The following RIF1 variants were observed in gnomAD, a reference collection of about 807,000 sequenced individuals.
The protein encoded by RIF1 is replication timing regulatory factor 1, also known as telomere-associated protein RIF1.
RIF1 carries 45 observed loss-of-function variants against 247.1 expected under a neutral mutation model. That is an observed-to-expected ratio of 0.18 (90% CI 0.14 to 0.23). The LOEUF (loss-of-function observed/expected upper bound fraction) is 0.23, where lower values mean the gene tolerates loss of function less well. Ranked by LOEUF, RIF1 falls within the 10% of genes least tolerant of loss-of-function variation. The pLI, the probability that RIF1 is intolerant of heterozygous loss-of-function variation, is 1.00. For missense variants in RIF1, 2,967 were observed against 2,862.5 expected (o/e 1.04, Z -0.83); for synonymous variants, 1,087 against 978.8 (o/e 1.11, Z -2.06).
intron 1 of RIF1, 107 bp downstream of exon 1, chr2:151,410,140 C>G (rs911843398): frequency 4.6e-5 from 31 of 672,668 alleles, no homozygotes; most frequent in Middle Eastern, 2.5e-4. Context: ...TTCTCCCGCC[C>G]TCCGCCGATC....
intron 9 of RIF1, chr2:151,494,891 G>A (rs561551965): frequency 3.3e-5 from 5 of 152,664 alleles, no homozygotes; most frequent in African/African-American, 7.2e-5. Context: ...CTTGTGATCC[G>A]CCCACCTTGG....
chr2:151,436,183 G>A (rs563332687), intron 11 of RIF1, among the ~76,000 whole-genome samples: 3 of 151,930 alleles, frequency 2.0e-5, no homozygotes, highest in Admixed American at 1.3e-4. Context: ...CCGAGATCTC[G>A]CCACTGCACT....
At chr2:151,523,862 G>A in the RIF1 span, among the ~76,000 whole-genome samples, 4 of 152,102 alleles carry the variant, frequency 2.6e-5, no homozygotes, top group Admixed American at 2.0e-4. Flanking sequence ...TTCCTAGCCC[G>A]GGCAGTTAAT....
the RIF1 span, among the ~76,000 whole-genome samples, chr2:151,516,988 C>A: frequency 6.6e-6 from 1 of 152,146 alleles, no homozygotes; most frequent in South Asian, 2.1e-4. Context: ...TTCACAAGAA[C>A]TTTTATCAGA....
chr2:151,532,405 T>C, the RIF1 span, among the ~76,000 whole-genome samples: 1 of 152,168 alleles, frequency 6.6e-6, no homozygotes, highest in Non-Finnish European at 1.5e-5. Context: ...CATTTTTCCA[T>C]GTCAAAGATG....
chr2:151,433,003 C>A, intron 9 of RIF1, 74 bp from the exon 10 acceptor site: 1 of 1,122,394 alleles, frequency 8.9e-7, no homozygotes. Flanking sequence ...TGATAAAAGA[C>A]TGTTGCATAG....
At chr2:151,414,634 T>C (rs1230164186) in intron 3 of RIF1, among the ~76,000 whole-genome samples, 189 bp from the exon 4 acceptor site, 2 of 152,220 alleles carry the variant, frequency 1.3e-5, no homozygotes. Flanking sequence ...CTCTCCTTTC[T>C]TTACCAAGCT....
At chr2:151,506,655 G>A (rs1033266823) in intron 13 of RIF1, among the ~76,000 whole-genome samples, 4 of 152,162 alleles carry the variant, frequency 2.6e-5, no homozygotes, top group Admixed American at 6.5e-5. Flanking sequence ...CTTGGAGCAA[G>A]ACAACACATG....
In RIF1 at chr2:151,464,884, A is replaced by G. The variant is rs1241669705; in HGVS notation, c.5364A>G (p.Leu1788=). 21 of 1,594,734 alleles carry G rather than the reference A, an allele frequency of 1.3e-5. No homozygotes were observed. The highest frequency in any genetic ancestry group is 1.3e-5 in the Non-Finnish European group (15 of 1,174,296). The change falls in exon 30 of 36, where the codon TTA becomes TTG. Residue 1788 remains leucine, a synonymous_variant. Coordinates refer to ENST00000444746, the MANE Select transcript of RIF1 (RefSeq NM_018151.5). The stretch of plus-strand genomic sequence containing the variant: ...ATCCATATTCTGAAGGACAATTTTT[A>G]GATGAACATCATAGTGTGAATTTTC... ...QANPYSEGQF[L]DEHHSVNFHL...
chr2:151,472,765 C>T (rs897377363), intron 34 of RIF1, among the ~76,000 whole-genome samples: 4 of 152,198 alleles, frequency 2.6e-5, no homozygotes, highest in East Asian at 1.9e-4. Flanking sequence ...CTGCTGGATT[C>T]GTTTTGCCAG....
At chr2:151,506,564 C>T (rs1328892184) in intron 13 of RIF1, among the ~76,000 whole-genome samples, 2 of 152,094 alleles carry the variant, frequency 1.3e-5, no homozygotes, top group East Asian at 3.9e-4. Context: ...ACACAAAATC[C>T]ATTAAAGAAA....
chr2:151,499,297 C>T lies in RIF1; in HGVS notation c.*514-48C>T, dbSNP rs755239192. On this transcript the variant is annotated intron_variant and NMD_transcript_variant, in intron 10 of 13. Transcript: ENST00000454583. ...TAAAGGGATTTTTTATTTTTAAATACCGAACTAAAGTTTTCTTGATTGTGT... is the reference window on the plus strand; with the variant it reads ...TAAAGGGATTTTTTATTTTTAAATATCGAACTAAAGTTTTCTTGATTGTGT... 54 of 1,448,428 alleles carry T rather than the reference C, an allele frequency of 3.7e-5. No homozygotes were observed. Among genetic ancestry groups the T allele is most frequent in the Admixed American group, 3.3e-4 (15 of 45,594 alleles). The allele number at this position is 1,448,428 out of a possible 1,614,324, so 89.7% of individuals were successfully genotyped here.
chr2:151,527,023 CTG>C, the RIF1 span: 1 of 1,581,502 alleles, frequency 6.3e-7, no homozygotes. Context: ...TATATTCAAA[CTG>C]TGATAGAAGA....
intron 33 of RIF1, 98 bp from the exon 34 acceptor site, chr2:151,469,613 G>A: frequency 1.8e-5 from 17 of 924,022 alleles, no homozygotes; most frequent in Non-Finnish European, 2.6e-5. Context: ...CCTCAGTTAT[G>A]ATTGAGCTTA....
At position 151,414,840 on chromosome 2, in the gene RIF1, A is replaced by G. The variant is rs990939270; in HGVS notation, c.201A>G (p.Gln67=). ...TTTTGTAGACTCACATTTCCAGTCA[A>G]AACTCGGAGCTGAGTAGTGCTGCTC... is the stretch of plus-strand genomic sequence containing the variant. ...YKVLKTHISS[Q]NSELSSAALQ... The change falls in exon 4 of 36, where the codon CAA becomes CAG. Residue 67 remains glutamine (Q), a synonymous_variant. Coordinates refer to ENST00000444746, the MANE Select transcript of RIF1 (RefSeq NM_018151.5). 6.2e-7 allele frequency: 1 copy of G among 1,609,620 alleles called. No homozygotes were observed. The highest frequency in any genetic ancestry group is 8.5e-7 in the Non-Finnish European group (1 of 1,178,252).
At chr2:151,485,626 G>A (rs2049702510), downstream of RIF1, 1 of 784,424 alleles carries the variant, frequency 1.3e-6, no homozygotes, top group Non-Finnish European at 2.0e-6. Flanking sequence ...AGAAAGGATG[G>A]TACTACCATA....
chr2:151,516,445 T>G, the RIF1 span: 1 of 1,553,396 alleles, frequency 6.4e-7, no homozygotes, highest in African/African-American at 1.4e-5. Context: ...TGTGGTGTGG[T>G]TTTTTTGACT....
At chr2:151,508,270 C>T (rs114879584), downstream of RIF1, among the ~76,000 whole-genome samples, 365 of 152,332 alleles carry the variant, frequency 2.4e-3, 1 homozygote, top group African/African-American at 7.9e-3. Flanking sequence ...AGGAAGAACC[C>T]TCTCAGTCAA....
the RIF1 span, among the ~76,000 whole-genome samples, chr2:151,523,654 C>T: frequency 6.6e-6 from 1 of 152,134 alleles, no homozygotes; most frequent in Non-Finnish European, 1.5e-5. Flanking sequence ...ATTGGCCTAA[C>T]AAGGGAAAAT....
Sources: allele counts gnomAD v4.1 joint callset (sites outside exome capture counted in the v4.1 genomes callset), GRCh38; gene constraint gnomAD v4.1.1; transcripts MANE v1.5; gene names NCBI Gene and HGNC (gene_info 2026-07-23, HGNC 2026-07-21).